The following OPRPN variants were observed in gnomAD, a reference collection of about 807,000 sequenced individuals.
The protein encoded by OPRPN is basic proline-rich lacrimal protein.
A neutral mutation model predicts 2.2 loss-of-function variants in OPRPN; 1 was observed. The observed-to-expected ratio is 0.45, with a 90% CI of 0.16 to 2.15. OPRPN has a LOEUF of 2.15. Among genes scored for constraint, OPRPN ranks in the 30% most tolerant of loss-of-function variants. The pLI is 0.28. For synonymous variants in OPRPN, 126 were observed against 111.5 expected (o/e 1.13, Z -0.82); for missense variants, 306 against 297.3 (o/e 1.03, Z -0.21).
intron 2 of OPRPN, among the ~76,000 whole-genome samples, chr4:70,400,178 T>C (rs1348929410): frequency 6.6e-6 from 1 of 151,848 alleles, no homozygotes; most frequent in Non-Finnish European, 1.5e-5. Flanking sequence ...GATAATCCAC[T>C]GTGTGTTGGG....
chr4:70,400,730 T>G (rs1732961971), intron 2 of OPRPN, among the ~76,000 whole-genome samples: 1 of 151,960 alleles, frequency 6.6e-6, no homozygotes, highest in Non-Finnish European at 1.5e-5. Flanking sequence ...AATCAATCCA[T>G]CATATGAAAA....
Position 70,409,399 on chromosome 4 carries a change from T to A in OPRPN, c.71T>A (p.Phe24Tyr). ...CCACAGCCCAGTGAGAGTCAAAGAT[T>A]CTCCAGAAGACCATATCTACCTGGC... ...SCFTPSESQR[F>Y]SRRPYLPGQL... The change falls in exon 3 of 3, where the codon TTC becomes TAC. Residue 24 changes from phenylalanine (F) to tyrosine (Y), a missense_variant. Coordinates refer to ENST00000399575, the MANE Select transcript of OPRPN (RefSeq NM_021225.5). 1 of 1,608,502 alleles carries A rather than the reference T, an allele frequency of 6.2e-7. No individual in the cohort carries two copies. The highest frequency in any genetic ancestry group is 8.5e-7 in the Non-Finnish European group (1 of 1,177,102).
chr4:70,407,542 A>T (rs1225679833), intron 2 of OPRPN, among the ~76,000 whole-genome samples: 1 of 152,216 alleles, frequency 6.6e-6, no homozygotes, highest in Non-Finnish European at 1.5e-5. Context: ...TGTGATGGGG[A>T]CAGTAACCAG....
chr4:70,398,876 G>A (rs781507592), intron 1 of OPRPN, among the ~76,000 whole-genome samples: 2 of 151,648 alleles, frequency 1.3e-5, no homozygotes, highest in Admixed American at 6.6e-5. Flanking sequence ...CAATATTTAG[G>A]TCACAAATCT....
At position 70,409,849 on chromosome 4, in the gene OPRPN, C is replaced by G; in HGVS notation, c.521C>G (p.Thr174Arg). ...AGCACTTCCACAAAACCCACAATGA[C>G]GATCAGCTCCTCAACAGTACCTATC... is the stretch of plus-strand genomic sequence containing the variant. Reference protein sequence around the residue: ...TTSTSTKPTMTISSSTVPISS... With the variant: ...TTSTSTKPTMRISSSTVPISS... Residue 174 changes from threonine (T) to arginine (R), a missense_variant, in exon 3 of 3, where the codon ACG (threonine) becomes AGG (arginine). Physicochemically the swap from Thr to Arg is moderately conservative, Grantham distance 71 (BLOSUM62 -1). Transcript: ENST00000399575. 6.2e-7 allele frequency: 1 copy of G among 1,612,714 alleles called. No homozygotes were observed. Among genetic ancestry groups the G allele is most frequent in the Non-Finnish European group, 8.5e-7 (1 of 1,179,180 alleles).
intron 2 of OPRPN, among the ~76,000 whole-genome samples, chr4:70,404,947 A>G (rs956782771): frequency 3.3e-5 from 5 of 152,244 alleles, no homozygotes; most frequent in African/African-American, 4.8e-5. Context: ...CAGAGAGAAT[A>G]TAATCAAATT....
intron 2 of OPRPN, among the ~76,000 whole-genome samples, chr4:70,409,158 T>C (rs558153012): frequency 6.6e-6 from 1 of 152,340 alleles, no homozygotes; most frequent in Admixed American, 6.5e-5. Context: ...CATTTAATAC[T>C]ATTCTACTTT....
intron 1 of OPRPN, among the ~76,000 whole-genome samples, chr4:70,398,671 T>TCACA (rs1260846645): frequency 6.6e-6 from 1 of 151,810 alleles, no homozygotes; most frequent in Non-Finnish European, 1.5e-5. Context: ...TTTTTCTAAT[T>TCACA]CACACACTGA....
chr4:70,399,196 GTT>G, intron 1 of OPRPN, 73 bp from the exon 2 acceptor site: 1 of 1,038,532 alleles, frequency 9.6e-7, no homozygotes. Flanking sequence ...GTGTTAAAAT[GTT>G]TTAAAAAATT....
intron 2 of OPRPN, among the ~76,000 whole-genome samples, chr4:70,406,782 A>C (rs1331408333): frequency 6.6e-6 from 1 of 152,082 alleles, no homozygotes; most frequent in African/African-American, 2.4e-5. Context: ...ACAGGGTTCC[A>C]CTCACAATAT....
intron 2 of OPRPN, among the ~76,000 whole-genome samples, chr4:70,406,673 G>A (rs1157311230): frequency 1.3e-5 from 2 of 152,172 alleles, no homozygotes; most frequent in East Asian, 1.9e-4. Flanking sequence ...TCGTTATGTT[G>A]AAAGAACTAG....
chr4:70,407,642 G>T (rs1464782756), intron 2 of OPRPN, among the ~76,000 whole-genome samples: 2 of 152,088 alleles, frequency 1.3e-5, no homozygotes, highest in Non-Finnish European at 2.9e-5. Flanking sequence ...AACTAATAAA[G>T]AAAGCTTCAA....
chr4:70,403,270 A>T (rs1733019032), intron 2 of OPRPN, among the ~76,000 whole-genome samples: 1 of 152,304 alleles, frequency 6.6e-6, no homozygotes, highest in East Asian at 1.9e-4. Context: ...GGGCCAGATA[A>T]CAAATATTGT....
chr4:70,400,413 G>A (rs1732952462), intron 2 of OPRPN, among the ~76,000 whole-genome samples: 1 of 151,908 alleles, frequency 6.6e-6, no homozygotes, highest in African/African-American at 2.4e-5. Flanking sequence ...ATAGTGCTAT[G>A]TAATAACATT....
At chr4:70,399,248 G>A in intron 1 of OPRPN, 23 bp from the exon 2 acceptor site, 1 of 1,547,494 alleles carries the variant, frequency 6.5e-7, no homozygotes, top group South Asian at 1.2e-5. Flanking sequence ...GCTAACTGTG[G>A]ATAATCTTTG....
At chr4:70,399,574 T>C (rs975994009) in intron 2 of OPRPN, 1 of 384,676 alleles carries the variant, frequency 2.6e-6, no homozygotes, top group Non-Finnish European at 4.7e-6. Context: ...GCAGGTAGTA[T>C]CTAGGAGAGC....
At chr4:70,401,073 G>C (rs1379381648) in intron 2 of OPRPN, among the ~76,000 whole-genome samples, 1 of 151,990 alleles carries the variant, frequency 6.6e-6, no homozygotes, top group African/African-American at 2.4e-5. Flanking sequence ...CATCTACCTT[G>C]AGGATTCATA....
In OPRPN at chr4:70,410,041, G is replaced by C; in HGVS notation, c.713G>C (p.Ser238Thr). 1 of 1,563,638 alleles carries C rather than the reference G, an allele frequency of 6.4e-7. No homozygotes were observed. Among genetic ancestry groups the C allele is most frequent in the South Asian group, 1.2e-5 (1 of 83,672 alleles). ...QTILSSPAFK[S>T]FWQKLFAIFG is the part of the protein sequence containing the mutation. ...ATATTAAGCAGCCCAGCCTTTAAAA[G>C]TTTTTGGCAAAAACTCTTTGCCATT... is the stretch of plus-strand genomic sequence containing the variant. Residue 238 changes from serine to threonine, a missense_variant, in exon 3 of 3, where the codon AGT (serine) becomes ACT (threonine). By Grantham distance (58) the Ser-to-Thr change is moderately conservative (BLOSUM62 1). Coordinates refer to ENST00000399575, the MANE Select transcript of OPRPN (RefSeq NM_021225.5).
At position 70,410,161 on chromosome 4, in the gene OPRPN, T is replaced by A; in HGVS notation, c.*86T>A. 1 of 966,784 alleles carries A rather than the reference T, an allele frequency of 1.0e-6. No homozygotes were observed. Among genetic ancestry groups the A allele is most frequent in the Non-Finnish European group, 1.5e-6 (1 of 678,286 alleles). 59.9% of individuals were successfully genotyped at this position (966,784 alleles called of 1,614,324 possible). On this transcript the variant is annotated 3_prime_UTR_variant, in exon 3 of 3. Transcript: ENST00000399575. ...GATTTTGATGGAACCAACCCTGATCTAACCAGCACACTAAATAAAGTATTT... is the reference window on the plus strand; with the variant it reads ...GATTTTGATGGAACCAACCCTGATCAAACCAGCACACTAAATAAAGTATTT...
Sources: allele counts gnomAD v4.1 joint callset (sites outside exome capture counted in the v4.1 genomes callset), GRCh38; gene constraint gnomAD v4.1.1; transcripts MANE v1.5; gene names NCBI Gene and HGNC (gene_info 2026-07-23, HGNC 2026-07-21).